CNIH3: variants seen among roughly 807,000 people sequenced by gnomAD.
CNIH3 encodes the protein protein cornichon homolog 3.
CNIH3 carries 14 observed loss-of-function variants against 24.1 expected under a neutral mutation model. The observed-to-expected ratio is 0.58, with a 90% CI of 0.38 to 0.91. The LOEUF is 0.91. Among genes scored for constraint, CNIH3 ranks in the 40% least tolerant of loss-of-function variants. The pLI is 0.00. For synonymous variants in CNIH3, 68 were observed against 73.8 expected (o/e 0.92, Z 0.40); for missense variants, 178 against 196.8 (o/e 0.90, Z 0.57).
upstream of CNIH3, among the ~76,000 whole-genome samples, chr1:224,514,963 T>G (rs1678319869): frequency 6.6e-6 from 1 of 152,216 alleles, no homozygotes; most frequent in Admixed American, 6.5e-5. Flanking sequence ...CCCCACATCT[T>G]GGTGAGCTGC....
chr1:224,457,477 G>C (rs1241298047), intron 1 of CNIH3, among the ~76,000 whole-genome samples: 2 of 151,570 alleles, frequency 1.3e-5, no homozygotes, highest in Non-Finnish European at 2.9e-5. Flanking sequence ...AAGATCAAAG[G>C]GTACCCAACT....
intron 1 of CNIH3, among the ~76,000 whole-genome samples, chr1:224,628,940 C>A (rs138476143): frequency 3.3e-5 from 5 of 151,748 alleles, no homozygotes; most frequent in African/African-American, 4.8e-5. Flanking sequence ...GAACTCCCCC[C>A]CAACCACCTG....
intron 1 of CNIH3, among the ~76,000 whole-genome samples, chr1:224,664,050 G>T (rs201062010): frequency 2.0e-5 from 3 of 152,196 alleles, no homozygotes; most frequent in East Asian, 1.9e-4. Flanking sequence ...TTATTTGGGT[G>T]ATGTCAGCCA....
rs1052520810 is a variant in CNIH3 at position 224,703,874 on chromosome 1, A to G, written c.198+19031A>G. On this transcript the variant is annotated intron_variant, in intron 3 of 5. Coordinates refer to ENST00000272133, the MANE Select transcript of CNIH3 (RefSeq NM_152495.2). The surrounding 1 kb of genome is among the most constrained non-coding windows in gnomAD (Gnocchi z 4.2). Reference sequence around the variant, plus strand: ...TAGGCAGAACAAGATGAGCACCTGCATATTCTCCCTGCAGCACACCTGAGT... The same window carrying G: ...TAGGCAGAACAAGATGAGCACCTGCGTATTCTCCCTGCAGCACACCTGAGT... 1.3e-5 allele frequency among the ~76,000 whole-genome samples: 2 copies of G among 152,184 alleles called. No individual in the cohort carries two copies. Among genetic ancestry groups the G allele is most frequent in the Admixed American group, 6.5e-5 (1 of 15,274 alleles).
intron 1 of CNIH3, among the ~76,000 whole-genome samples, chr1:224,669,521 T>G (rs1001369939): frequency 6.6e-6 from 1 of 152,112 alleles, no homozygotes; most frequent in African/African-American, 2.4e-5. Context: ...TGCCATGGCT[T>G]TTACCTACAC....
intron 3 of CNIH3, 42 bp from the exon 4 acceptor site, chr1:224,730,420 T>C: frequency 1.5e-6 from 2 of 1,339,720 alleles, no homozygotes; most frequent in Non-Finnish European, 2.1e-6. Flanking sequence ...GAGTGGCGTT[T>C]TCCTCCTCTA....
intron 1 of CNIH3, among the ~76,000 whole-genome samples, chr1:224,499,591 TA>T (rs1677571175): frequency 6.6e-6 from 1 of 152,222 alleles, no homozygotes. Flanking sequence ...GCATAAAGTC[TA>T]ATGCCTTAGA....
At chr1:224,651,692 C>A (rs112442127) in intron 1 of CNIH3, among the ~76,000 whole-genome samples, 22 of 152,134 alleles carry the variant, frequency 1.4e-4, no homozygotes, top group Non-Finnish European at 2.6e-4. Context: ...CTCAGAACTG[C>A]GTAATATTCC....
At chr1:224,601,640 G>C (rs1056908667) in intron 3 of CNIH3, among the ~76,000 whole-genome samples, 1 of 152,174 alleles carries the variant, frequency 6.6e-6, no homozygotes, top group African/African-American at 2.4e-5. Flanking sequence ...GTAACACTAG[G>C]ATGAGAGCCC....
At chr1:224,588,971 T>G (rs951469931), downstream of CNIH3, among the ~76,000 whole-genome samples, 1 of 148,928 alleles carries the variant, frequency 6.7e-6, no homozygotes, top group Non-Finnish European at 1.5e-5. Flanking sequence ...ACCCCCTGTT[T>G]TTTTTTTTTT....
At chr1:224,737,073 G>A (rs1013080045) in intron 5 of CNIH3, among the ~76,000 whole-genome samples, 1 of 152,122 alleles carries the variant, frequency 6.6e-6, no homozygotes, top group Non-Finnish European at 1.5e-5. Flanking sequence ...CTTTAGCCTG[G>A]GATCCACCTC....
chr1:224,626,950 A>C (rs1172313444), intron 1 of CNIH3, among the ~76,000 whole-genome samples: 3 of 152,162 alleles, frequency 2.0e-5, no homozygotes, highest in Admixed American at 1.3e-4. Context: ...ACAACCTGGC[A>C]AACTTGTGTG....
rs189793758 is a variant in CNIH3 at position 224,691,118 on chromosome 1, G to A, written c.198+6275G>A. Reference sequence around the variant, plus strand: ...ATGAGGAGATTGCATTATTATTAATGCTTCCTTACCCTCCCCTCTCTCCAG... The same window carrying A: ...ATGAGGAGATTGCATTATTATTAATACTTCCTTACCCTCCCCTCTCTCCAG... On this transcript the variant is annotated intron_variant, in intron 3 of 5. Transcript: ENST00000272133. Among the ~76,000 whole-genome samples, 360 of 152,360 alleles carry A rather than the reference G, an allele frequency of 2.4e-3. 1 individual carries two copies. The Middle Eastern group carries it at 0.027, about 12-fold the overall frequency.
intron 1 of CNIH3, among the ~76,000 whole-genome samples, chr1:224,620,090 TG>T (rs1683208989): frequency 6.6e-6 from 1 of 152,254 alleles, no homozygotes; most frequent in African/African-American, 2.4e-5. Context: ...TATCTGCATT[TG>T]TTTTCAGTTG....
At chr1:224,439,221 G>A (rs957343735) in intron 1 of CNIH3, among the ~76,000 whole-genome samples, 1 of 152,196 alleles carries the variant, frequency 6.6e-6, no homozygotes, top group Non-Finnish European at 1.5e-5. Context: ...TGGGCATTCA[G>A]TACAGTCCTG....
At position 224,704,593 on chromosome 1, in the gene CNIH3, C is replaced by T. The variant is rs1687679025; in HGVS notation, c.198+19750C>T. Among the ~76,000 whole-genome samples, 1 of 152,124 alleles carries T rather than the reference C, an allele frequency of 6.6e-6. No individual in the cohort carries two copies. Among genetic ancestry groups the T allele is most frequent in the Non-Finnish European group, 1.5e-5 (1 of 68,036 alleles). ...GCCTTCTCAGCTCTTCCCCATCCCC[C>T]GTGTATGTACAGCACATACTTTTTT... On this transcript the variant is annotated intron_variant, in intron 3 of 5. Transcript: ENST00000272133. The surrounding 1 kb of genome is among the most constrained non-coding windows in gnomAD (Gnocchi z 4.2).
At chr1:224,438,950 G>A (rs1429185069) in intron 1 of CNIH3, among the ~76,000 whole-genome samples, 2 of 152,148 alleles carry the variant, frequency 1.3e-5, no homozygotes, top group African/African-American at 4.8e-5. Context: ...AGGATTTGAG[G>A]CAGCTAAATG....
At chr1:224,560,908 G>C (rs752350193) in intron 3 of CNIH3, among the ~76,000 whole-genome samples, 4 of 152,042 alleles carry the variant, frequency 2.6e-5, no homozygotes, top group Non-Finnish European at 5.9e-5. Context: ...GGAGACCACT[G>C]TTTTAGATTT....
chr1:224,618,200 G>A (rs1683119480), intron 1 of CNIH3, among the ~76,000 whole-genome samples: 1 of 152,274 alleles, frequency 6.6e-6, no homozygotes, highest in Non-Finnish European at 1.5e-5. Context: ...CAACTCTCAA[G>A]GCTTCCTTCT....
Sources: allele counts gnomAD v4.1 joint callset (sites outside exome capture counted in the v4.1 genomes callset), GRCh38; gene constraint gnomAD v4.1.1; non-coding constraint Gnocchi (gnomAD v3.1); transcripts MANE v1.5; gene names NCBI Gene and HGNC (gene_info 2026-07-23, HGNC 2026-07-21).